The following TACR1 variants were observed in gnomAD, a reference collection of about 807,000 sequenced individuals.
TACR1 encodes the protein tachykinin receptor 1, also known as substance-P receptor.
TACR1 carries 25 observed loss-of-function variants against 35.8 expected under a neutral mutation model. That is an observed-to-expected ratio of 0.70 (90% CI 0.51 to 0.98). TACR1 has a LOEUF of 0.98. TACR1 is among the 50% of genes least tolerant of loss of function. TACR1 has a pLI of 0.00. For synonymous variants in TACR1, 195 were observed against 206.7 expected, an observed-to-expected ratio of 0.94 and a Z score of 0.48; for missense variants, 478 against 522.9, an observed-to-expected ratio of 0.91 and a Z score of 0.84.
chr2:75,142,160 G>C (rs1558567065), intron 1 of TACR1, among the ~76,000 whole-genome samples: 1 of 152,120 alleles, frequency 6.6e-6, no homozygotes, highest in African/African-American at 2.4e-5. Context: ...CTCAATCCTA[G>C]AGCCTCCAGC....
At chr2:75,150,920 C>G (rs1048056064) in intron 1 of TACR1, among the ~76,000 whole-genome samples, 1 of 152,194 alleles carries the variant, frequency 6.6e-6, no homozygotes, top group South Asian at 2.1e-4. Flanking sequence ...TTGTTGGGAA[C>G]TGGAGCAAAG....
intron 1 of TACR1, among the ~76,000 whole-genome samples, chr2:75,138,336 G>A (rs1272245755): frequency 6.6e-6 from 1 of 152,206 alleles, no homozygotes; most frequent in Admixed American, 6.5e-5. Flanking sequence ...CCATGAGATA[G>A]TTCTACTTTG....
intron 1 of TACR1, among the ~76,000 whole-genome samples, chr2:75,176,012 C>CAA (rs34884122): frequency 0.3 from 32,297 of 109,064 alleles, 5,026 homozygotes; most frequent in South Asian, 0.4. Context: ...TTGAGCTGTC[C>CAA]AAAAAAAAAA....
At chr2:75,100,935 T>C (rs1456263688) in intron 2 of TACR1, among the ~76,000 whole-genome samples, 1 of 152,118 alleles carries the variant, frequency 6.6e-6, no homozygotes, top group Non-Finnish European at 1.5e-5. Flanking sequence ...AAATAGCTAA[T>C]TTATGTACTT....
At chr2:75,061,805 G>A (rs777197930) in intron 2 of TACR1, among the ~76,000 whole-genome samples, 1 of 152,218 alleles carries the variant, frequency 6.6e-6, no homozygotes, top group Non-Finnish European at 1.5e-5. Context: ...CCATGGGGCA[G>A]CTCCTCAGAG....
intron 1 of TACR1, among the ~76,000 whole-genome samples, chr2:75,134,052 A>C (rs912431014): frequency 6.6e-6 from 1 of 152,178 alleles, no homozygotes; most frequent in African/African-American, 2.4e-5. Flanking sequence ...CAACATCAGG[A>C]AGTTACCCTG....
chr2:75,080,712 C>T (rs1469715513), intron 2 of TACR1, among the ~76,000 whole-genome samples: 3 of 152,140 alleles, frequency 2.0e-5, no homozygotes, highest in African/African-American at 7.2e-5. Context: ...GTTAGCAGAT[C>T]CATTGCCTAC....
chr2:75,198,901 A>G lies in TACR1; in HGVS notation c.34T>C (p.Ser12Pro). 3.7e-6 allele frequency: 6 copies of G among 1,613,770 alleles called. No individual in the cohort carries two copies. Among genetic ancestry groups the G allele is most frequent in the Non-Finnish European group, 3.4e-6 (4 of 1,180,014 alleles). Residue 12 changes from serine (S) to proline (P), a missense_variant, in exon 1 of 5, where the codon TCC (serine) becomes CCC (proline). By Grantham distance (74) the Ser-to-Pro change is moderately conservative. Coordinates refer to ENST00000305249, the MANE Select transcript of TACR1 (RefSeq NM_001058.4). ...GAGGTGTTAGTGGAGATGTTTGGGG[A>G]GAGGTCTGAGTCCACCGGGAGGACG... ...DNVLPVDSDLSPNISTNTSEP... is the reference protein window; with the variant it reads ...DNVLPVDSDLPPNISTNTSEP...
chr2:75,070,580 G>A (rs893063419), intron 2 of TACR1, among the ~76,000 whole-genome samples: 1 of 152,168 alleles, frequency 6.6e-6, no homozygotes, highest in Non-Finnish European at 1.5e-5. Flanking sequence ...AAGCCTCATG[G>A]CAACAAGCCT....
At chr2:75,185,074 T>C (rs907997540) in intron 1 of TACR1, among the ~76,000 whole-genome samples, 1 of 151,948 alleles carries the variant, frequency 6.6e-6, no homozygotes. Flanking sequence ...GTCAACAAAG[T>C]AGATAGATCA....
intron 1 of TACR1, chr2:75,188,559 A>G (rs1675763576): frequency 6.6e-6 from 1 of 152,248 alleles, no homozygotes; most frequent in Admixed American, 6.5e-5. Flanking sequence ...AAGGCAGAGT[A>G]TCATTACAGA....
intron 1 of TACR1, among the ~76,000 whole-genome samples, chr2:75,171,687 C>G (rs1455674677): frequency 6.6e-6 from 1 of 152,210 alleles, no homozygotes; most frequent in Non-Finnish European, 1.5e-5. Context: ...ATCAGCGTGA[C>G]CTGGATGTGA....
chr2:75,072,469 G>T (rs1438785126), intron 2 of TACR1, among the ~76,000 whole-genome samples: 1 of 152,212 alleles, frequency 6.6e-6, no homozygotes, highest in South Asian at 2.1e-4. Flanking sequence ...GGGCAGAAAA[G>T]TTGAGGTTGG....
At chr2:75,107,358 A>G (rs1460720223) in intron 2 of TACR1, among the ~76,000 whole-genome samples, 2 of 152,044 alleles carry the variant, frequency 1.3e-5, no homozygotes, top group African/African-American at 4.8e-5. Context: ...GAACAAAACA[A>G]TAAGATGATT....
At chr2:75,087,156 C>A (rs938334934) in intron 2 of TACR1, among the ~76,000 whole-genome samples, 1 of 152,194 alleles carries the variant, frequency 6.6e-6, no homozygotes, top group Non-Finnish European at 1.5e-5. Flanking sequence ...AATGATACTA[C>A]TATGGATATA....
chr2:75,185,151 T>C (rs1413869425), intron 1 of TACR1, among the ~76,000 whole-genome samples: 1 of 151,932 alleles, frequency 6.6e-6, no homozygotes, highest in Non-Finnish European at 1.5e-5. Flanking sequence ...TGTAGGGAAA[T>C]GATCAATCAA....
At chr2:75,126,859 G>A (rs890301462) in intron 1 of TACR1, among the ~76,000 whole-genome samples, 2 of 152,076 alleles carry the variant, frequency 1.3e-5, no homozygotes, top group Non-Finnish European at 2.9e-5. Context: ...TTTCAAAGAA[G>A]ACATACCTGT....
At chr2:75,060,565 C>T (rs1383693211) in intron 2 of TACR1, among the ~76,000 whole-genome samples, 2 of 152,114 alleles carry the variant, frequency 1.3e-5, no homozygotes, top group African/African-American at 4.8e-5. Context: ...GAAGAAGTGC[C>T]ACAAGACTTG....
intron 1 of TACR1, among the ~76,000 whole-genome samples, chr2:75,138,608 G>A (rs1674342324): frequency 6.6e-6 from 1 of 152,152 alleles, no homozygotes; most frequent in Admixed American, 6.5e-5. Context: ...GCTTTGGACT[G>A]TGGTATGTTA....
Sources: gnomAD v4.1 joint callset for allele counts (sites outside exome capture counted in the v4.1 genomes callset) on GRCh38, gnomAD v4.1.1 for gene constraint, MANE v1.5 for transcripts, NCBI Gene and HGNC (gene_info 2026-07-23, HGNC 2026-07-21) for gene names.